The following SLC12A6 variants were observed in gnomAD, a reference collection of about 807,000 sequenced individuals.
SLC12A6 encodes the protein solute carrier family 12 member 6.
In SLC12A6, 66 loss-of-function variants were observed where a neutral mutation model predicts 135.3. The ratio of observed to expected loss-of-function variants is 0.49; its 90% confidence interval spans 0.40 to 0.60. SLC12A6 has a LOEUF of 0.60. Among genes scored for constraint, SLC12A6 ranks in the 20% least tolerant of loss-of-function variants. The probability of loss-of-function intolerance (pLI) is 0.00; values close to 1 mark genes in which losing one functional copy is unlikely to be tolerated. For missense variants in SLC12A6, 1,058 were observed against 1,452.3 expected, an observed-to-expected ratio of 0.73 and a Z score of 4.41; for synonymous variants, 513 against 508.8, an observed-to-expected ratio of 1.01 and a Z score of -0.11.
chr15:34,236,874 A>C, intron 22 of SLC12A6, 59 bp from the exon 23 acceptor site: 1 of 936,248 alleles, frequency 1.1e-6, no homozygotes, highest in South Asian at 1.3e-5. Flanking sequence ...AGGATGAACC[A>C]TACATTTTTA....
chr15:34,249,671 A>C (rs181204580), intron 13 of SLC12A6, among the ~76,000 whole-genome samples: 125 of 152,366 alleles, frequency 8.2e-4, no homozygotes, highest in African/African-American at 2.9e-3. Context: ...TTAGATACTT[A>C]TCTCTCATAA....
intron 2 of SLC12A6, among the ~76,000 whole-genome samples, chr15:34,312,082 T>C (rs547894591): frequency 1.3e-5 from 2 of 152,332 alleles, no homozygotes; most frequent in South Asian, 4.1e-4. Flanking sequence ...ACAACCACCC[T>C]GTAAAGCAGG....
chr15:34,264,304 T>C (rs1188321503), intron 3 of SLC12A6, among the ~76,000 whole-genome samples: 2 of 152,212 alleles, frequency 1.3e-5, no homozygotes, highest in Non-Finnish European at 2.9e-5. Context: ...CACAATCTCC[T>C]GTAATACAAT....
chr15:34,253,689 A>G (rs1892547640), intron 9 of SLC12A6, among the ~76,000 whole-genome samples: 1 of 152,244 alleles, frequency 6.6e-6, no homozygotes, highest in South Asian at 2.1e-4. Flanking sequence ...CAGATAATCC[A>G]GATGACTCTT....
At chr15:34,251,190 C>T in intron 10 of SLC12A6, 133 bp from the exon 11 acceptor site, 1 of 692,266 alleles carries the variant, frequency 1.4e-6, no homozygotes, top group Non-Finnish European at 2.6e-6. Context: ...TCTACATGAG[C>T]ACATGTATAC....
At chr15:34,262,671 C>G (rs1244092639) in intron 3 of SLC12A6, among the ~76,000 whole-genome samples, 1 of 152,156 alleles carries the variant, frequency 6.6e-6, no homozygotes, top group Non-Finnish European at 1.5e-5. Context: ...ACGGTAACAC[C>G]CCCTCTGAGG....
chr15:34,233,527 G>C lies in SLC12A6; in HGVS notation c.*354C>G. ...ACTTCTGAGATTCATCTTTAATGCT[G>C]AATACGTACTTGACTTGCTTTTTTT... On this transcript the variant is annotated 3_prime_UTR_variant, in exon 26 of 26. Coordinates refer to ENST00000354181, the MANE Select transcript of SLC12A6 (RefSeq NM_001365088.1). The C allele has an allele frequency of 3.6e-6, 1 of 275,614 alleles. No homozygotes were observed. Among genetic ancestry groups the C allele is most frequent in the South Asian group, 4.1e-5 (1 of 24,210 alleles). The allele number at this position is 275,614 out of a possible 1,614,324, so 17.1% of individuals were successfully genotyped here. A position where few individuals can be genotyped will look rare whatever the true frequency, so the allele number is the denominator to read the frequency against.
chr15:34,234,383 T>TC (rs1172481921), intron 25 of SLC12A6, among the ~76,000 whole-genome samples: 1 of 152,096 alleles, frequency 6.6e-6, no homozygotes, highest in Non-Finnish European at 1.5e-5. Context: ...TTTCTTTCTT[T>TC]TTTTTTTGAG....
chr15:34,269,981 G>GGCGTGTGCC (rs1893803337), intron 3 of SLC12A6, among the ~76,000 whole-genome samples: 3 of 151,920 alleles, frequency 2.0e-5, no homozygotes, highest in African/African-American at 7.3e-5. Context: ...TTATTAGCTA[G>GGCGTGTGCC]AATACCTCTA....
rs993447976 is a variant in SLC12A6, at chr15:34,254,403, T to G, written c.1063A>C (p.Ile355Leu). The G allele has an allele frequency of 6.2e-7, 1 of 1,613,622 alleles. No individual in the cohort carries two copies. The highest frequency in any genetic ancestry group is 8.5e-7 in the Non-Finnish European group (1 of 1,179,550). The change falls in exon 9 of 26, where the codon ATC becomes CTC. Residue 355 changes from isoleucine (I) to leucine (L), a missense_variant. Ile to Leu is a conservative substitution (Grantham distance 5, BLOSUM62 2). Transcript: ENST00000354181. Reference sequence around the variant, plus strand: ...ATGGCTCCAGCATAGATGGCCAAGATGGACACAATGACACAGGCCAGGAAA... The same window carrying G: ...ATGGCTCCAGCATAGATGGCCAAGAGGGACACAATGACACAGGCCAGGAAA... ...SLFLACVIVS[I>L]LAIYAGAIKS...
intron 9 of SLC12A6, among the ~76,000 whole-genome samples, chr15:34,253,020 G>C (rs1892502821): frequency 6.6e-6 from 1 of 152,152 alleles, no homozygotes; most frequent in Admixed American, 6.6e-5. Context: ...AGACTCAGTG[G>C]GAGTGACGGT....
chr15:34,324,624 T>A (rs60277411), intron 2 of SLC12A6, among the ~76,000 whole-genome samples: 26,801 of 151,738 alleles, frequency 0.18, 2,554 homozygotes, highest in East Asian at 0.33. Flanking sequence ...TAAAAAAAAA[T>A]TTTAAGTTAG....
chr15:34,245,142 T>C (rs1891894762), intron 15 of SLC12A6, 143 bp downstream of exon 15: 3 of 694,228 alleles, frequency 4.3e-6, no homozygotes, highest in Non-Finnish European at 5.3e-6. Context: ...ACTTGGAAGT[T>C]CTCAGGAATG....
intron 22 of SLC12A6, 174 bp downstream of exon 22, chr15:34,237,245 C>T (rs954759039): frequency 5.3e-6 from 3 of 567,866 alleles, no homozygotes; most frequent in East Asian, 6.4e-5. Context: ...ACATGCATCA[C>T]ATATACATTC....
Position 34,256,248 on chromosome 15 carries a change from G to A in SLC12A6, c.726C>T (p.Ala242=). The A allele has an allele frequency of 6.2e-7, 1 of 1,605,904 alleles. No homozygotes were observed. The highest frequency in any genetic ancestry group is 8.5e-7 in the Non-Finnish European group (1 of 1,172,550). ...ACTAACCTGGCACCACTCCATTAGT[G>A]GCAATGGCACTCATGGAGATAGCAG... ...MLTAISMSAI[A]TNGVVPAGGS... The change falls in exon 7 of 26, where the codon GCC becomes GCT. Residue 242 remains alanine, a synonymous_variant. Coordinates refer to ENST00000354181, the MANE Select transcript of SLC12A6 (RefSeq NM_001365088.1).
At chr15:34,262,761 A>C (rs1057496744) in intron 3 of SLC12A6, among the ~76,000 whole-genome samples, 9 of 152,096 alleles carry the variant, frequency 5.9e-5, no homozygotes, top group Admixed American at 3.3e-4. Context: ...CAATCCCTAC[A>C]TACAGCCCGC....
chr15:34,288,117 T>C (rs947067956), intron 2 of SLC12A6, among the ~76,000 whole-genome samples: 6 of 152,174 alleles, frequency 3.9e-5, no homozygotes, highest in African/African-American at 1.4e-4. Flanking sequence ...CTAGGTCTTA[T>C]GTTTAAGTCT....
Position 34,323,581 on chromosome 15 carries a change from G to A in SLC12A6, c.271+12829C>T, listed in dbSNP as rs554164416. Among the ~76,000 whole-genome samples, 97 of 152,220 alleles carry A rather than the reference G, an allele frequency of 6.4e-4. 1 individual carries two copies. Among genetic ancestry groups the A allele is most frequent in the African/African-American group, 2.3e-3 (95 of 41,540 alleles). On this transcript the variant is annotated intron_variant, in intron 2 of 25. Transcript: ENST00000354181. ...TCATGCCAAAACCATGCCTGTCCCC[G>A]ACCTTAGTCTGTGGAAAAACTGTCT...
chr15:34,232,843 A>G lies in SLC12A6; in HGVS notation c.*1038T>C, dbSNP rs1200514729. On this transcript the variant is annotated 3_prime_UTR_variant, in exon 26 of 26. Coordinates refer to ENST00000354181, the MANE Select transcript of SLC12A6 (RefSeq NM_001365088.1). ...CTCTAGAACTTCCAATTCCATTGCTAGATGTGCCCTTTAAAAGATGGTCCA... is the reference window on the plus strand; with the variant it reads ...CTCTAGAACTTCCAATTCCATTGCTGGATGTGCCCTTTAAAAGATGGTCCA... 2.0e-5 allele frequency: 3 copies of G among 151,880 alleles called. No homozygotes were observed. Among genetic ancestry groups the G allele is most frequent in the African/African-American group, 7.3e-5 (3 of 41,188 alleles). The allele number at this position is 151,880 out of a possible 1,614,324, so 9.4% of individuals were successfully genotyped here.
Sources: gnomAD v4.1 joint callset for allele counts (sites outside exome capture counted in the v4.1 genomes callset) on GRCh38, gnomAD v4.1.1 for gene constraint, MANE v1.5 for transcripts, NCBI Gene and HGNC (gene_info 2026-07-23, HGNC 2026-07-21) for gene names.